The following DLG1 variants were observed in gnomAD, a reference collection of about 807,000 sequenced individuals.
The protein encoded by DLG1 is disks large homolog 1.
DLG1 carries 42 observed loss-of-function variants against 123.4 expected under a neutral mutation model. That is an observed-to-expected ratio of 0.34 (90% CI 0.27 to 0.44). The LOEUF (loss-of-function observed/expected upper bound fraction) is 0.44. Ranked by LOEUF, DLG1 falls within the 20% of genes least tolerant of loss-of-function variation. The pLI, the probability that DLG1 is intolerant of heterozygous loss-of-function variation, is 1.00. For synonymous variants in DLG1, 317 were observed against 356.2 expected, an observed-to-expected ratio of 0.89 and a Z score of 1.24; for missense variants, 942 against 1,082.6, an observed-to-expected ratio of 0.87 and a Z score of 1.82.
chr3:197,059,803 A>G (rs1157799242), intron 23 of DLG1, 86 bp downstream of exon 23: 4 of 839,942 alleles, frequency 4.8e-6, no homozygotes, highest in Non-Finnish European at 7.7e-6. Context: ...TTTTATAGAT[A>G]AACTGAGATG....
intron 11 of DLG1, among the ~76,000 whole-genome samples, chr3:197,124,126 A>G (rs2098941): frequency 0.76 from 115,057 of 151,920 alleles, 43,694 homozygotes; most frequent in East Asian, 0.82. Context: ...AGACACTTGG[A>G]AGGCTGATGT....
intron 5 of DLG1, among the ~76,000 whole-genome samples, chr3:197,156,757 C>T (rs1400179679): frequency 6.6e-6 from 1 of 152,064 alleles, no homozygotes; most frequent in Non-Finnish European, 1.5e-5. Flanking sequence ...GTAACAATTA[C>T]AAAAATTAAC....
Position 197,298,589 on chromosome 3 carries a change from A to C in DLG1, c.-85T>G. Reference sequence around the variant, plus strand: ...TGCCGTTTCCAACTCCGCGGCAGAGACAGCGCCTGGCGACCCCGGGGGTAG... The same window carrying C: ...TGCCGTTTCCAACTCCGCGGCAGAGCCAGCGCCTGGCGACCCCGGGGGTAG... On this transcript the variant is annotated 5_prime_UTR_variant, in exon 1 of 25. Transcript: ENST00000667157. 1 of 393,938 alleles carries C rather than the reference A, an allele frequency of 2.5e-6. No individual in the cohort carries two copies. Among genetic ancestry groups the C allele is most frequent in the Non-Finnish European group, 4.5e-6 (1 of 223,464 alleles). 24.4% of individuals were successfully genotyped at this position (393,938 alleles called of 1,614,324 possible).
At chr3:197,126,452 A>G (rs1779156083) in intron 11 of DLG1, among the ~76,000 whole-genome samples, 1 of 151,828 alleles carries the variant, frequency 6.6e-6, no homozygotes, top group African/African-American at 2.4e-5. Flanking sequence ...GGGCAACAAG[A>G]GCGAAACTCC....
intron 4 of DLG1, among the ~76,000 whole-genome samples, chr3:197,247,368 T>C (rs960059848): frequency 6.6e-6 from 1 of 152,074 alleles, no homozygotes; most frequent in Non-Finnish European, 1.5e-5. Context: ...GCGGGGGATT[T>C]GGCAGATACA....
intron 22 of DLG1, among the ~76,000 whole-genome samples, chr3:197,061,632 A>G (rs1368447683): frequency 6.6e-6 from 1 of 152,124 alleles, no homozygotes; most frequent in African/African-American, 2.4e-5. Context: ...TAAAATATTT[A>G]TATCATAGAA....
At chr3:197,096,537 TCTC>T (rs2149233942) in intron 14 of DLG1, among the ~76,000 whole-genome samples, 1 of 152,232 alleles carries the variant, frequency 6.6e-6, no homozygotes, top group South Asian at 2.1e-4. Flanking sequence ...ACTATTTTTC[TCTC>T]CTCTACATAA....
chr3:197,215,474 T>C (rs551657235), intron 4 of DLG1, among the ~76,000 whole-genome samples: 1 of 152,264 alleles, frequency 6.6e-6, no homozygotes, highest in African/African-American at 2.4e-5. Context: ...ACTTCTAGTA[T>C]GTAAGGATAG....
chr3:197,215,505 T>A (rs1173884098), intron 4 of DLG1, among the ~76,000 whole-genome samples: 1 of 152,166 alleles, frequency 6.6e-6, no homozygotes, highest in African/African-American at 2.4e-5. Context: ...ACAAGAAATG[T>A]GTAAACCTAA....
At chr3:197,226,023 T>C (rs905491403) in intron 4 of DLG1, 2 of 147,144 alleles carry the variant, frequency 1.4e-5, no homozygotes, top group African/African-American at 4.9e-5. Flanking sequence ...CCTTTGTGCA[T>C]GTTGTTTGCT....
Position 197,101,147 on chromosome 3 carries a change from G to A in DLG1, c.1546+3756C>T, listed in dbSNP as rs1763219716. Among the ~76,000 whole-genome samples, 4 of 152,248 alleles carry A rather than the reference G, an allele frequency of 2.6e-5. No individual in the cohort carries two copies. The South Asian group carries it at 8.3e-4, about 32-fold the overall frequency. Reference sequence around the variant, plus strand: ...ACAGGCCCGTTACTGAACATACAAGGGTGGAGGAAAAGGTTTTTCTTCGCT... The same window carrying A: ...ACAGGCCCGTTACTGAACATACAAGAGTGGAGGAAAAGGTTTTTCTTCGCT... On this transcript the variant is annotated intron_variant, in intron 14 of 24. Coordinates refer to ENST00000667157, the MANE Select transcript of DLG1 (RefSeq NM_001366207.1).
chr3:197,136,516 A>G, intron 10 of DLG1, 26 bp downstream of exon 10: 1 of 1,585,688 alleles, frequency 6.3e-7, no homozygotes, highest in Non-Finnish European at 8.6e-7. Context: ...AAATGATTTA[A>G]AAGACAATAG....
rs1487850364 is a variant in DLG1 at position 197,059,949 on chromosome 3, T to C, written c.2423A>G (p.Gln808Arg). ...DVSGNAIKRL[Q>R]IAQLYPISIF... ...GGAGATAGGGTAAAGCTGTGCAATC[T>C]GTAATCTCTTTATGGCATTTCCAGA... The change falls in exon 23 of 25, where the codon CAG becomes CGG. Residue 808 changes from glutamine to arginine, a missense_variant. Transcript: ENST00000667157. 3 of 1,613,910 alleles carry C rather than the reference T, an allele frequency of 1.9e-6. No individual in the cohort carries two copies. The Admixed American group carries it at 5.0e-5, about 27-fold the overall frequency.
intron 4 of DLG1, among the ~76,000 whole-genome samples, chr3:197,255,107 C>T (rs2150902363): frequency 6.6e-6 from 1 of 152,120 alleles, no homozygotes; most frequent in South Asian, 2.1e-4. Context: ...TTTAAATGCA[C>T]TATATTCAAT....
intron 13 of DLG1, 54 bp downstream of exon 13, chr3:197,115,872 TA>T: frequency 6.4e-7 from 1 of 1,564,828 alleles, no homozygotes; most frequent in Middle Eastern, 1.7e-4. Context: ...GACCTTGCTT[TA>T]AAAATAGGTC....
At chr3:197,184,197 T>C in intron 5 of DLG1, 1 of 837,010 alleles carries the variant, frequency 1.2e-6, no homozygotes, top group Non-Finnish European at 1.5e-6. Context: ...CTATAAACAC[T>C]GGACTACCAA....
chr3:197,188,913 C>A (rs930214432), intron 5 of DLG1, among the ~76,000 whole-genome samples: 1 of 152,134 alleles, frequency 6.6e-6, no homozygotes, highest in Admixed American at 6.5e-5. Flanking sequence ...TAAAGGAACC[C>A]TACCTACTCT....
In DLG1 at chr3:197,194,006, G is replaced by A. The variant is rs900247239; in HGVS notation, c.483+419C>T. Among the ~76,000 whole-genome samples, 34 of 152,144 alleles carry A rather than the reference G, an allele frequency of 2.2e-4. 2 individuals carry two copies. The highest frequency in any genetic ancestry group is 1.6e-3 in the Admixed American group (24 of 15,264). On this transcript the variant is annotated intron_variant, in intron 5 of 24. Coordinates refer to ENST00000667157, the MANE Select transcript of DLG1 (RefSeq NM_001366207.1). ...GGTTAATTTTTTTGTATTTTCAGTAGAGATGGGATTTCACCATGTTGGCCA... is the reference window on the plus strand; with the variant it reads ...GGTTAATTTTTTTGTATTTTCAGTAAAGATGGGATTTCACCATGTTGGCCA...
At chr3:197,278,787 G>A (rs1020068584) in intron 4 of DLG1, among the ~76,000 whole-genome samples, 2 of 151,276 alleles carry the variant, frequency 1.3e-5, no homozygotes, top group Admixed American at 1.3e-4. Context: ...ATGAAGATTT[G>A]CATTTTAAGA....
Sources: gnomAD v4.1 joint callset for allele counts (sites outside exome capture counted in the v4.1 genomes callset) on GRCh38, gnomAD v4.1.1 for gene constraint, MANE v1.5 for transcripts, NCBI Gene and HGNC (gene_info 2026-07-23, HGNC 2026-07-21) for gene names.